ZFYVE26: variants seen among roughly 807,000 people sequenced by gnomAD.
ZFYVE26 encodes the protein zinc finger FYVE-type containing 26.
A neutral mutation model predicts 276.5 loss-of-function variants in ZFYVE26; 181 were observed. The ratio of observed to expected loss-of-function variants is 0.65; its 90% CI spans 0.58 to 0.74. The LOEUF is 0.74. ZFYVE26 is among the 30% of genes least tolerant of loss of function. The probability of loss-of-function intolerance (pLI) is 0.00; values close to 1 mark genes in which losing one functional copy is unlikely to be tolerated. For missense variants in ZFYVE26, 2,821 were observed against 3,097.9 expected (o/e 0.91, Z 2.12); for synonymous variants, 1,129 against 1,203.1 (o/e 0.94, Z 1.27).
chr14:67,778,353 G>A (rs1421052827), intron 23 of ZFYVE26, 105 bp from the exon 24 acceptor site: 3 of 1,421,784 alleles, frequency 2.1e-6, no homozygotes. Context: ...GTGCTGATGG[G>A]AACTTCACTA....
chr14:67,806,945 T>C (rs1014209021), intron 5 of ZFYVE26, among the ~76,000 whole-genome samples: 1 of 152,192 alleles, frequency 6.6e-6, no homozygotes, highest in Admixed American at 6.5e-5. Flanking sequence ...TATTTATTTA[T>C]TTTGAGATAG....
intron 19 of ZFYVE26, among the ~76,000 whole-genome samples, chr14:67,784,771 G>C (rs143100449): frequency 1.8e-3 from 266 of 151,156 alleles, no homozygotes; most frequent in African/African-American, 6.3e-3. Flanking sequence ...TCAGAGACTT[G>C]ATTCCTCTGC....
At chr14:67,753,915 C>T in intron 38 of ZFYVE26, 149 bp from the exon 39 acceptor site, 2 of 1,497,308 alleles carry the variant, frequency 1.3e-6, no homozygotes, top group Non-Finnish European at 1.9e-6. Flanking sequence ...TAAGAATGAT[C>T]AAAATGGACC....
In ZFYVE26 at chr14:67,746,585, A is replaced by G. The variant is rs573794277; in HGVS notation, c.*1851T>C. 1 of 152,292 alleles carries G rather than the reference A, an allele frequency of 6.6e-6. No homozygotes were observed. Among genetic ancestry groups the G allele is most frequent in the East Asian group, 1.9e-4 (1 of 5,180 alleles). The allele number at this position is 152,292 out of a possible 1,614,324, so 9.4% of individuals were successfully genotyped here. ...AAACATTCAACCCCTCAACATGGGT[A>G]TCTGTTTTGGTGGTGTTTTTCTGTT... On this transcript the variant is annotated 3_prime_UTR_variant, in exon 42 of 42. Coordinates refer to ENST00000347230, the MANE Select transcript of ZFYVE26 (RefSeq NM_015346.4).
chr14:67,755,927 G>T, intron 36 of ZFYVE26, 21 bp downstream of exon 36: 1 of 1,613,980 alleles, frequency 6.2e-7, no homozygotes, highest in East Asian at 2.2e-5. Flanking sequence ...GAGGTAGAAG[G>T]CAGGAAGGGG....
chr14:67,743,029 G>A (rs1177609138), downstream of ZFYVE26, among the ~76,000 whole-genome samples: 3 of 150,964 alleles, frequency 2.0e-5, no homozygotes, highest in Admixed American at 2.0e-4. Flanking sequence ...TTGTAGTGAG[G>A]GTCTCATTAT....
At chr14:67,738,405 TA>T (rs536738038) in intron 13 of ZFYVE26, among the ~76,000 whole-genome samples, 36 of 148,508 alleles carry the variant, frequency 2.4e-4, no homozygotes, top group African/African-American at 7.8e-4. Flanking sequence ...TATAGAAATA[TA>T]CTTATATACT....
chr14:67,785,825 C>T (rs1018618554), intron 18 of ZFYVE26, 33 bp downstream of exon 18: 8 of 1,613,666 alleles, frequency 5.0e-6, no homozygotes, highest in Non-Finnish European at 6.8e-6. Context: ...CCCAGTTCAG[C>T]TTTTATTTGT....
Position 67,807,493 on chromosome 14 carries a change from A to T in ZFYVE26, c.791T>A (p.Leu264Gln), listed in dbSNP as rs2040206492. The change falls in exon 5 of 42, where the codon CTG becomes CAG. Residue 264 changes from leucine (L) to glutamine (Q), a missense_variant. Physicochemically the swap from Leu to Gln is moderately radical, Grantham distance 113. Transcript: ENST00000347230. ...CAGCAGGCCCCGGCTGGCCTTGTGC[A>T]GCAGGCAGCTGAGCAGCCGCTCCTC... Reference protein sequence around the residue: ...LREERLLSCLLHKASRGLLSL... With the variant: ...LREERLLSCLQHKASRGLLSL... 6.2e-7 allele frequency: 1 copy of T among 1,614,010 alleles called. No homozygotes were observed. The highest frequency in any genetic ancestry group is 1.3e-5 in the African/African-American group (1 of 74,932).
intron 21 of ZFYVE26, 72 bp from the exon 22 acceptor site, chr14:67,781,601 T>C: frequency 2.1e-6 from 3 of 1,410,944 alleles, no homozygotes; most frequent in South Asian, 1.2e-5. Context: ...AGGTTACTTC[T>C]TGAGAAAGGG....
Position 67,807,592 on chromosome 14 carries a change from G to A in ZFYVE26, c.692C>T (p.Pro231Leu). The A allele has an allele frequency of 6.2e-7, 1 of 1,614,210 alleles. No individual in the cohort carries two copies. Among genetic ancestry groups the A allele is most frequent in the Non-Finnish European group, 8.5e-7 (1 of 1,180,036 alleles). The change falls in exon 5 of 42, where the codon CCA (proline) becomes CTA (leucine). Residue 231 changes from proline (P) to leucine (L), a missense_variant. Pro to Leu is a moderately conservative substitution (Grantham distance 98, BLOSUM62 -3). Coordinates refer to ENST00000347230, the MANE Select transcript of ZFYVE26 (RefSeq NM_015346.4). The stretch of plus-strand genomic sequence containing the variant: ...CAGGAGATGCAACTCAACCCCAAGT[G>A]GTTCTGCGGGGCAACGCAGAGTCCG... Reference protein sequence around the residue: ...ALRTLRCPAEPLGVELHLLCE... With the variant: ...ALRTLRCPAELLGVELHLLCE...
At chr14:67,751,287 T>A in intron 40 of ZFYVE26, 191 bp from the exon 41 acceptor site, 1 of 668,938 alleles carries the variant, frequency 1.5e-6, no homozygotes, top group Non-Finnish European at 2.7e-6. Context: ...ACAGGCATGA[T>A]CCCACTATTG....
At chr14:67,815,688 G>A (rs113018518) in intron 2 of ZFYVE26, 82 bp downstream of exon 2, 4 of 1,349,768 alleles carry the variant, frequency 3.0e-6, no homozygotes, top group South Asian at 2.3e-5. Flanking sequence ...GTAGTTGAGT[G>A]GGGGCACATT....
chr14:67,772,796 G>GA (rs1184775590), intron 27 of ZFYVE26, among the ~76,000 whole-genome samples: 3 of 151,878 alleles, frequency 2.0e-5, no homozygotes, highest in Non-Finnish European at 1.5e-5. Context: ...CTATACAAAA[G>GA]AAAAAAATAC....
chr14:67,796,060 A>T (rs537806448), intron 12 of ZFYVE26, among the ~76,000 whole-genome samples: 1 of 152,196 alleles, frequency 6.6e-6, no homozygotes, highest in Non-Finnish European at 1.5e-5. Flanking sequence ...CAGCTTGCAG[A>T]ACTATAAATA....
rs181257920 is a variant in ZFYVE26 at position 67,806,009 on chromosome 14, G to A, written c.1018-391C>T. On this transcript the variant is annotated intron_variant, in intron 6 of 41. Coordinates refer to ENST00000347230, the MANE Select transcript of ZFYVE26 (RefSeq NM_015346.4). ...GCCACTCCACTCCAGCCTGGGTGAC[G>A]AGGGAAACTCTGTCTCAAAAACAAA... Among the ~76,000 whole-genome samples the A allele has an allele frequency of 6.6e-5, 10 of 152,276 alleles. No individual in the cohort carries two copies. In the East Asian group the frequency reaches 1.2e-3, roughly 18 times the overall value.
chr14:67,794,849 G>C (rs1398139365), intron 12 of ZFYVE26, among the ~76,000 whole-genome samples: 1 of 152,152 alleles, frequency 6.6e-6, no homozygotes, highest in Non-Finnish European at 1.5e-5. Flanking sequence ...CCAGGAGGTT[G>C]CGGCAGGAAG....
chr14:67,776,595 G>A (rs2039350985), intron 25 of ZFYVE26, among the ~76,000 whole-genome samples: 1 of 152,174 alleles, frequency 6.6e-6, no homozygotes, highest in South Asian at 2.1e-4. Context: ...CTGTTTATTT[G>A]AGGCTTTACT....
downstream of ZFYVE26, among the ~76,000 whole-genome samples, chr14:67,742,351 AC>A (rs1455313547): frequency 6.6e-6 from 1 of 152,246 alleles, no homozygotes; most frequent in Non-Finnish European, 1.5e-5. Context: ...ATGCAAATGT[AC>A]TTAATGCCAC....
Sources: gnomAD v4.1 joint callset for allele counts (sites outside exome capture counted in the v4.1 genomes callset) on GRCh38, gnomAD v4.1.1 for gene constraint, MANE v1.5 for transcripts, NCBI Gene and HGNC (gene_info 2026-07-23, HGNC 2026-07-21) for gene names.